NAV3: variants seen among roughly 807,000 people sequenced by gnomAD.
NAV3 encodes the protein neuron navigator 3.
Under a neutral mutation model 244.7 loss-of-function variants are expected in NAV3, and 87 were observed. The observed-to-expected ratio is 0.36, with a 90% CI of 0.30 to 0.42. NAV3 has a LOEUF of 0.42. Ranked by LOEUF, NAV3 falls within the 20% of genes least tolerant of loss-of-function variation. NAV3 has a pLI of 1.00. For missense variants in NAV3, 2,663 were observed against 2,893.3 expected, an observed-to-expected ratio of 0.92 and a Z score of 1.83; for synonymous variants, 1,126 against 1,042.2, an observed-to-expected ratio of 1.08 and a Z score of -1.55.
At chr12:77,907,269 G>A (rs777812193) in intron 1 of NAV3, among the ~76,000 whole-genome samples, 1 of 152,124 alleles carries the variant, frequency 6.6e-6, no homozygotes, top group African/African-American at 2.4e-5. Context: ...AGCTCATTCA[G>A]GTAACATGTA....
intron 7 of NAV3, among the ~76,000 whole-genome samples, chr12:78,003,264 G>A (rs181883533): frequency 2.2e-4 from 33 of 152,028 alleles, no homozygotes; most frequent in Middle Eastern, 3.4e-3. Context: ...TTTTTTTAAA[G>A]CATTTGGTAT....
At chr12:77,795,850 C>G (rs182907973) in intron 2 of NAV3, among the ~76,000 whole-genome samples, 1 of 152,288 alleles carries the variant, frequency 6.6e-6, no homozygotes, top group East Asian at 1.9e-4. Flanking sequence ...GGCAGCACAT[C>G]TGTTTACAGC....
chr12:77,575,447 C>G (rs966829062), intron 2 of NAV3, among the ~76,000 whole-genome samples: 1 of 152,056 alleles, frequency 6.6e-6, no homozygotes, highest in East Asian at 1.9e-4. Flanking sequence ...TCTTGGCATT[C>G]AGATTCTGGA....
rs1958720048 is a variant in NAV3 at position 78,186,365 on chromosome 12, A to C, written c.5790+667A>C. Among the ~76,000 whole-genome samples the C allele has an allele frequency of 2.6e-5, 4 of 151,960 alleles. No homozygotes were observed. In the Admixed American group the frequency reaches 2.6e-4, roughly 10 times the overall value. Reference sequence around the variant, plus strand: ...CAATTTTTTTACATCAAGCAAATAAAAATTCTTTAGAATTTTAAAATAAAG... The same window carrying C: ...CAATTTTTTTACATCAAGCAAATAACAATTCTTTAGAATTTTAAAATAAAG... On this transcript the variant is annotated intron_variant, in intron 31 of 39. Coordinates refer to ENST00000397909, the MANE Select transcript of NAV3 (RefSeq NM_001024383.2).
chr12:77,811,288 C>T (rs1244978050), intron 2 of NAV3, among the ~76,000 whole-genome samples: 1 of 152,026 alleles, frequency 6.6e-6, no homozygotes, highest in Non-Finnish European at 1.5e-5. Flanking sequence ...AGTTTCTGAC[C>T]AGGTTTTGTA....
At chr12:78,193,099 T>G (rs893646526) in intron 34 of NAV3, among the ~76,000 whole-genome samples, 1 of 152,166 alleles carries the variant, frequency 6.6e-6, no homozygotes, top group Admixed American at 6.6e-5. Context: ...GTGCCATAGA[T>G]AGCACTGAAG....
chr12:78,204,335 C>A lies in NAV3; in HGVS notation c.6835-600C>A, dbSNP rs558941750. 5.3e-5 allele frequency among the ~76,000 whole-genome samples: 8 copies of A among 151,954 alleles called. No individual in the cohort carries two copies. The South Asian group carries it at 1.7e-3, about 32-fold the overall frequency. ...CAATCCTGCACGTTGTGCACATGTA[C>A]CCTAAAACTTAAGGTATAATAATAA... On this transcript the variant is annotated intron_variant, in intron 38 of 39. Coordinates refer to ENST00000397909, the MANE Select transcript of NAV3 (RefSeq NM_001024383.2).
intron 2 of NAV3, among the ~76,000 whole-genome samples, chr12:77,613,509 G>A (rs928033025): frequency 1.3e-5 from 2 of 152,132 alleles, no homozygotes; most frequent in African/African-American, 4.8e-5. Flanking sequence ...CTCTGTCCTT[G>A]AAGTCTGCCT....
chr12:77,582,761 G>T (rs1310255185), intron 2 of NAV3, among the ~76,000 whole-genome samples: 2 of 152,128 alleles, frequency 1.3e-5, no homozygotes, highest in East Asian at 3.9e-4. Flanking sequence ...TAGTGAAGCA[G>T]GATGTTCTAT....
intron 20 of NAV3, 69 bp from the exon 21 acceptor site, chr12:78,146,300 C>A (rs1050087226): frequency 1.6e-6 from 1 of 608,370 alleles, no homozygotes; most frequent in South Asian, 4.0e-5. Flanking sequence ...TTATTGTATT[C>A]ATTTATACTT....
At chr12:78,081,075 T>G (rs1953324336) in intron 12 of NAV3, among the ~76,000 whole-genome samples, 1 of 152,124 alleles carries the variant, frequency 6.6e-6, no homozygotes, top group Non-Finnish European at 1.5e-5. Context: ...TTTATTAATT[T>G]TTTAGGAGAA....
At position 77,799,091 on chromosome 12, in the gene NAV3, C is replaced by T. The variant is rs1213272073; in HGVS notation, c.73-141228C>T. On this transcript the variant is annotated intron_variant, in intron 2 of 8. Coordinates refer to the NAV3 transcript ENST00000550042. ...CAGTTGGGCCACATGTCTATAGCAG[C>T]CTATCTTGAACCTGAGCCGCAAGAG... Among the ~76,000 whole-genome samples the T allele has an allele frequency of 2.0e-5, 3 of 152,256 alleles. No homozygotes were observed. The East Asian group carries it at 5.8e-4, about 29-fold the overall frequency.
chr12:77,772,926 T>G (rs1784916303), intron 2 of NAV3, among the ~76,000 whole-genome samples: 1 of 152,204 alleles, frequency 6.6e-6, no homozygotes, highest in Non-Finnish European at 1.5e-5. Flanking sequence ...TGACTTGTCA[T>G]GAATAACAGA....
At chr12:77,724,671 G>A (rs1445363027) in intron 2 of NAV3, among the ~76,000 whole-genome samples, 1 of 151,592 alleles carries the variant, frequency 6.6e-6, no homozygotes, top group South Asian at 2.1e-4. Context: ...TTCAGTAATA[G>A]GTTTTCATAT....
At chr12:78,154,839 A>G (rs982068386) in intron 22 of NAV3, among the ~76,000 whole-genome samples, 1 of 152,042 alleles carries the variant, frequency 6.6e-6, no homozygotes, top group Non-Finnish European at 1.5e-5. Flanking sequence ...AATCAGTTTT[A>G]CTTTCCATTT....
chr12:77,640,390 A>C (rs1872356100), intron 2 of NAV3, among the ~76,000 whole-genome samples: 1 of 152,174 alleles, frequency 6.6e-6, no homozygotes, highest in African/African-American at 2.4e-5. Context: ...TAGACAAAAC[A>C]TAAATTGATA....
intron 7 of NAV3, among the ~76,000 whole-genome samples, chr12:78,001,028 T>A (rs192758386): frequency 2.1e-3 from 314 of 151,974 alleles, no homozygotes; most frequent in African/African-American, 7.2e-3. Context: ...GTACATTTTT[T>A]AATAAAGATG....
At chr12:78,150,574 T>C (rs1957036352) in intron 22 of NAV3, among the ~76,000 whole-genome samples, 1 of 151,614 alleles carries the variant, frequency 6.6e-6, no homozygotes, top group South Asian at 2.1e-4. Context: ...CATTTCAACA[T>C]TTTTCTATTA....
At position 78,008,992 on chromosome 12, in the gene NAV3, C is replaced by G. The variant is rs372835278; in HGVS notation, c.1907+1547C>G. On this transcript the variant is annotated intron_variant, in intron 8 of 39. Coordinates refer to ENST00000397909, the MANE Select transcript of NAV3 (RefSeq NM_001024383.2). ...GGATTACAAATATATTCTGTAAAAA[C>G]ATCAATCCTTTCAAAAAATCACAAG... Among the ~76,000 whole-genome samples the G allele has an allele frequency of 1.4e-4, 22 of 152,230 alleles. No individual in the cohort carries two copies. In the East Asian group the frequency reaches 2.9e-3, roughly 20 times the overall value.
Sources: gnomAD v4.1 joint callset for allele counts (sites outside exome capture counted in the v4.1 genomes callset) on GRCh38, gnomAD v4.1.1 for gene constraint, MANE v1.5 for transcripts, NCBI Gene and HGNC (gene_info 2026-07-23, HGNC 2026-07-21) for gene names.